NDUFAF2: variants seen among roughly 807,000 people sequenced by gnomAD.
NDUFAF2 encodes NADH:ubiquinone oxidoreductase complex assembly factor 2, also known as NADH dehydrogenase [ubiquinone] 1 alpha subcomplex assembly factor 2.
NDUFAF2 carries 13 observed loss-of-function variants against 22.8 expected under a neutral mutation model. That is an observed-to-expected ratio of 0.57 (90% CI 0.37 to 0.91). The LOEUF is 0.91. Among genes scored for constraint, NDUFAF2 ranks in the 40% least tolerant of loss-of-function variants. The pLI is 0.01. For synonymous variants in NDUFAF2, 53 were observed against 64.2 expected, an observed-to-expected ratio of 0.83 and a Z score of 0.84; for missense variants, 162 against 195.2, an observed-to-expected ratio of 0.83 and a Z score of 1.01.
chr5:61,116,808 T>C (rs1302650158), intron 3 of NDUFAF2: 1 of 151,988 alleles, frequency 6.6e-6, no homozygotes, highest in African/African-American at 2.4e-5. Context: ...GGTACTAGAG[T>C]ATGAAAGGCA....
intron 1 of NDUFAF2, among the ~76,000 whole-genome samples, chr5:61,012,337 A>C (rs1385168902): frequency 2.6e-5 from 4 of 152,100 alleles, no homozygotes; most frequent in Non-Finnish European, 5.9e-5. Context: ...TCTCAAATTC[A>C]ACATTTTTTA....
intron 1 of NDUFAF2, among the ~76,000 whole-genome samples, chr5:60,994,713 A>C (rs956406630): frequency 6.6e-6 from 1 of 152,138 alleles, no homozygotes; most frequent in Non-Finnish European, 1.5e-5. Context: ...ACCTTCTTGT[A>C]CTTGGATACT....
intron 1 of NDUFAF2, among the ~76,000 whole-genome samples, chr5:60,955,795 T>C (rs906530128): frequency 6.6e-6 from 1 of 152,190 alleles, no homozygotes; most frequent in Admixed American, 6.5e-5. Context: ...TTTCACTTCC[T>C]TAGTTTGTTG....
chr5:60,989,995 T>C (rs1751137258), intron 1 of NDUFAF2, among the ~76,000 whole-genome samples: 1 of 152,162 alleles, frequency 6.6e-6, no homozygotes, highest in Non-Finnish European at 1.5e-5. Flanking sequence ...ATCCTGTCAT[T>C]TGCAACAACG....
intron 1 of NDUFAF2, among the ~76,000 whole-genome samples, chr5:61,038,790 A>G (rs1751834338): frequency 6.6e-6 from 1 of 152,158 alleles, no homozygotes; most frequent in East Asian, 1.9e-4. Flanking sequence ...GACAAAAACC[A>G]ATAACTCCAT....
At chr5:61,022,884 A>T (rs1237585608) in intron 1 of NDUFAF2, among the ~76,000 whole-genome samples, 1 of 152,180 alleles carries the variant, frequency 6.6e-6, no homozygotes, top group African/African-American at 2.4e-5. Flanking sequence ...ACCTCAGGTG[A>T]TCTGCCTGCC....
intron 1 of NDUFAF2, among the ~76,000 whole-genome samples, chr5:61,040,304 A>G (rs1446073385): frequency 1.3e-4 from 16 of 125,950 alleles, no homozygotes; most frequent in African/African-American, 4.3e-4. Flanking sequence ...GCGCGCGCGA[A>G]AGTTGAAAGC....
intron 1 of NDUFAF2, among the ~76,000 whole-genome samples, chr5:60,956,952 A>T (rs1489854624): frequency 1.1e-5 from 1 of 91,220 alleles, no homozygotes; most frequent in African/African-American, 3.8e-5. Flanking sequence ...CAAAAGAGGT[A>T]TTAACCAAAC....
rs568330469 is a variant in NDUFAF2 at position 61,109,964 on chromosome 5, C to T, written c.258+10932C>T. ...CTAGCTGTGGGTCTGTTGTATATGG[C>T]TTTTATTGTGTTGAGGTATGTTCCT... On this transcript the variant is annotated intron_variant, in intron 3 of 3. Transcript: ENST00000296597. 7.0e-4 allele frequency among the ~76,000 whole-genome samples: 107 copies of T among 152,208 alleles called. 1 individual carries two copies. The highest frequency in any genetic ancestry group is 1.3e-3 in the Non-Finnish European group (89 of 67,996).
At chr5:61,143,137 G>A (rs1344438414) in intron 3 of NDUFAF2, among the ~76,000 whole-genome samples, 1 of 152,040 alleles carries the variant, frequency 6.6e-6, no homozygotes, top group Admixed American at 6.6e-5. Flanking sequence ...TAATTATATT[G>A]AGGATTGGGG....
chr5:60,957,629 C>T (rs532259088), intron 1 of NDUFAF2, among the ~76,000 whole-genome samples: 76 of 152,168 alleles, frequency 5.0e-4, no homozygotes, highest in Middle Eastern at 6.8e-3. Context: ...TTGAAATTAG[C>T]TGTCTGCACC....
chr5:61,133,841 G>A (rs1474117691), intron 3 of NDUFAF2, among the ~76,000 whole-genome samples: 1 of 152,190 alleles, frequency 6.6e-6, no homozygotes, highest in Non-Finnish European at 1.5e-5. Context: ...AATTGTGGGA[G>A]ACAGAAAGGC....
intron 1 of NDUFAF2, among the ~76,000 whole-genome samples, chr5:60,951,524 T>G (rs1240810117): frequency 6.6e-6 from 1 of 152,218 alleles, no homozygotes; most frequent in African/African-American, 2.4e-5. Flanking sequence ...GATTGTTGAA[T>G]GTCTTGAATA....
At chr5:60,958,880 G>A (rs143011782) in intron 1 of NDUFAF2, among the ~76,000 whole-genome samples, 131 of 152,160 alleles carry the variant, frequency 8.6e-4, no homozygotes, top group African/African-American at 3.0e-3. Flanking sequence ...GACGCCTCTA[G>A]TGTGGTTCAG....
intron 3 of NDUFAF2, among the ~76,000 whole-genome samples, chr5:61,120,148 C>T (rs1465730137): frequency 5.3e-5 from 8 of 151,960 alleles, no homozygotes; most frequent in African/African-American, 1.2e-4. Context: ...ACATGGAGAC[C>T]GCTTTTCTCT....
intron 1 of NDUFAF2, among the ~76,000 whole-genome samples, chr5:60,950,354 T>C (rs1325761480): frequency 6.6e-6 from 1 of 152,108 alleles, no homozygotes; most frequent in Non-Finnish European, 1.5e-5. Flanking sequence ...GCCTGGCTAA[T>C]TTTTTATTTT....
chr5:61,126,423 T>A (rs568033834), intron 3 of NDUFAF2, among the ~76,000 whole-genome samples: 1 of 152,042 alleles, frequency 6.6e-6, no homozygotes, highest in African/African-American at 2.4e-5. Flanking sequence ...CTTCACAAAG[T>A]CAAACTAATT....
intron 2 of NDUFAF2, among the ~76,000 whole-genome samples, chr5:61,095,459 G>A (rs745482558): frequency 1.3e-5 from 2 of 152,216 alleles, no homozygotes; most frequent in Non-Finnish European, 2.9e-5. Context: ...TGTCCTTTGA[G>A]GCACTGTGGA....
At position 60,945,389 on chromosome 5, in the gene NDUFAF2, TG is replaced by T; in HGVS notation, c.127+9del. On this transcript the variant is annotated splice_region_variant and intron_variant, in intron 1 of 3. Coordinates refer to ENST00000296597, the MANE Select transcript of NDUFAF2 (RefSeq NM_174889.5). ...CAGTACAAGAACTGGAGAGGTGAGG[TG>T]GCGGCGTGGGCAGCGATTGCGTGGT... is the stretch of plus-strand genomic sequence containing the variant. 6.2e-7 allele frequency: 1 copy of T among 1,613,990 alleles called. No individual in the cohort carries two copies. Among genetic ancestry groups the T allele is most frequent in the Non-Finnish European group, 8.5e-7 (1 of 1,179,980 alleles).
Sources: allele counts gnomAD v4.1 joint callset (sites outside exome capture counted in the v4.1 genomes callset), GRCh38; gene constraint gnomAD v4.1.1; transcripts MANE v1.5; gene names NCBI Gene and HGNC (gene_info 2026-07-23, HGNC 2026-07-21).